LRRC4C: variants seen among roughly 807,000 people sequenced by gnomAD.
LRRC4C encodes leucine rich repeat containing 4C, also known as leucine-rich repeat-containing protein 4C.
Under a neutral mutation model 33.6 loss-of-function variants are expected in LRRC4C, and 5 were observed. That is an observed-to-expected ratio of 0.15 (90% CI 0.08 to 0.31). The LOEUF (loss-of-function observed/expected upper bound fraction) is 0.31, where lower values mean the gene tolerates loss of function less well. Ranked by LOEUF, LRRC4C falls within the 10% of genes least tolerant of loss-of-function variation. The pLI is 1.00. For synonymous variants in LRRC4C, 329 were observed against 302.0 expected (o/e 1.09, Z -0.93); for missense variants, 560 against 796.7 (o/e 0.70, Z 3.58).
intron 3 of LRRC4C, among the ~76,000 whole-genome samples, chr11:40,592,087 C>G (rs1375058536): frequency 6.6e-6 from 1 of 152,210 alleles, no homozygotes; most frequent in Admixed American, 6.5e-5. Context: ...TAACGATATG[C>G]AGCAACAGCT....
intron 3 of LRRC4C, among the ~76,000 whole-genome samples, chr11:40,332,547 C>T (rs1179766585): frequency 2.0e-5 from 3 of 152,158 alleles, no homozygotes; most frequent in African/African-American, 7.2e-5. Context: ...CAATTCAACT[C>T]ACAACAAGCA....
chr11:41,149,283 A>C (rs1283254563), intron 1 of LRRC4C, among the ~76,000 whole-genome samples: 4 of 152,170 alleles, frequency 2.6e-5, no homozygotes, highest in African/African-American at 9.6e-5. Flanking sequence ...AGGCGGGCGG[A>C]TCACGAGGTC....
chr11:40,725,555 A>C (rs1276722687), intron 2 of LRRC4C, among the ~76,000 whole-genome samples: 1 of 151,966 alleles, frequency 6.6e-6, no homozygotes, highest in Non-Finnish European at 1.5e-5. Flanking sequence ...AGATCCAGTC[A>C]GCTGAAGACA....
chr11:40,890,195 T>C (rs1227528299), intron 2 of LRRC4C, among the ~76,000 whole-genome samples: 1 of 152,156 alleles, frequency 6.6e-6, no homozygotes, highest in Non-Finnish European at 1.5e-5. Flanking sequence ...TGTGTTGCTA[T>C]AACAGGATAT....
chr11:41,125,547 C>A (rs1398320125), intron 1 of LRRC4C, among the ~76,000 whole-genome samples: 1 of 151,054 alleles, frequency 6.6e-6, no homozygotes, highest in Non-Finnish European at 1.5e-5. Context: ...AATTATCATA[C>A]AAAAACATAG....
At chr11:40,191,975 T>C (rs1861874703) in intron 5 of LRRC4C, among the ~76,000 whole-genome samples, 1 of 151,884 alleles carries the variant, frequency 6.6e-6, no homozygotes, top group Non-Finnish European at 1.5e-5. Flanking sequence ...AATAAATAAA[T>C]AAAAGTCTAT....
At chr11:41,312,508 GTC>G (rs1175416475) in intron 1 of LRRC4C, among the ~76,000 whole-genome samples, 3 of 152,134 alleles carry the variant, frequency 2.0e-5, no homozygotes, top group African/African-American at 7.2e-5. Context: ...GCATTTCTGT[GTC>G]TCTCTGTGAG....
chr11:40,927,174 G>A (rs778539621), intron 2 of LRRC4C, among the ~76,000 whole-genome samples: 41 of 152,156 alleles, frequency 2.7e-4, no homozygotes, highest in Non-Finnish European at 4.3e-4. Context: ...AGGAGTTCGA[G>A]ACCAGCCTGG....
intron 2 of LRRC4C, among the ~76,000 whole-genome samples, chr11:40,801,633 A>G (rs1190742908): frequency 6.6e-6 from 1 of 152,160 alleles, no homozygotes; most frequent in Non-Finnish European, 1.5e-5. Flanking sequence ...AATACCATCT[A>G]TGTTTATATC....
intron 1 of LRRC4C, among the ~76,000 whole-genome samples, chr11:41,073,158 A>G (rs1157402891): frequency 6.6e-6 from 1 of 152,150 alleles, no homozygotes; most frequent in East Asian, 1.9e-4. Flanking sequence ...AGGCTGGGTA[A>G]TTTATGAAGA....
chr11:40,327,547 G>T lies in LRRC4C; in HGVS notation c.-269-7826C>A, dbSNP rs79877469. Among the ~76,000 whole-genome samples the T allele has an allele frequency of 5.5e-3, 830 of 152,214 alleles. 11 individuals are homozygous for T. The highest frequency in any genetic ancestry group is 0.019 in the African/African-American group (771 of 41,530). On this transcript the variant is annotated intron_variant, in intron 3 of 6. Coordinates refer to ENST00000528697, the MANE Select transcript of LRRC4C (RefSeq NM_001258419.2). ...AGCTATGGAGCTTCAAAATAATCTT[G>T]GATTTGAGTTCAGTGTATGAATATG...
intron 2 of LRRC4C, among the ~76,000 whole-genome samples, chr11:40,826,506 A>C (rs1952175763): frequency 6.6e-6 from 1 of 151,910 alleles, no homozygotes; most frequent in African/African-American, 2.4e-5. Flanking sequence ...TAAATATTCC[A>C]AAATATTATT....
At chr11:40,203,657 T>C (rs2135749536) in intron 5 of LRRC4C, among the ~76,000 whole-genome samples, 1 of 152,240 alleles carries the variant, frequency 6.6e-6, no homozygotes, top group Non-Finnish European at 1.5e-5. Context: ...AAAAGGGAAA[T>C]GATTTGGGGT....
At chr11:41,180,699 G>A (rs1461460769) in intron 1 of LRRC4C, among the ~76,000 whole-genome samples, 2 of 152,030 alleles carry the variant, frequency 1.3e-5, no homozygotes, top group Non-Finnish European at 2.9e-5. Context: ...GTCACTCAAG[G>A]GCTGAGCTGG....
chr11:40,584,951 GA>G (rs558879496), intron 3 of LRRC4C, among the ~76,000 whole-genome samples: 5,111 of 103,458 alleles, frequency 0.049, 217 homozygotes, highest in African/African-American at 0.13. Context: ...TTAAAAAAAA[GA>G]AAAAAAAAAA....
intron 2 of LRRC4C, among the ~76,000 whole-genome samples, chr11:40,719,630 G>A (rs1946909133): frequency 6.6e-6 from 1 of 152,146 alleles, no homozygotes; most frequent in East Asian, 1.9e-4. Flanking sequence ...ATTGCAGTGA[G>A]CAAAATTATG....
chr11:40,863,577 G>A (rs147592788), intron 2 of LRRC4C, among the ~76,000 whole-genome samples: 1 of 152,122 alleles, frequency 6.6e-6, no homozygotes, highest in South Asian at 2.1e-4. Context: ...GGAAGTAAAC[G>A]CAAGGAAGAG....
At chr11:40,617,246 T>C (rs974770210) in intron 3 of LRRC4C, among the ~76,000 whole-genome samples, 2 of 151,788 alleles carry the variant, frequency 1.3e-5, no homozygotes, top group Non-Finnish European at 3.0e-5. Context: ...GTGATGTAAA[T>C]AGCATGCATT....
intron 1 of LRRC4C, among the ~76,000 whole-genome samples, chr11:41,254,270 A>C (rs1019031773): frequency 1.3e-5 from 2 of 152,058 alleles, no homozygotes; most frequent in Non-Finnish European, 2.9e-5. Context: ...CCCTTTTTCC[A>C]ATAAATGCAC....
Sources: allele counts gnomAD v4.1 joint callset (sites outside exome capture counted in the v4.1 genomes callset), GRCh38; gene constraint gnomAD v4.1.1; transcripts MANE v1.5; gene names NCBI Gene and HGNC (gene_info 2026-07-23, HGNC 2026-07-21).